MICU1: variants seen among roughly 807,000 people sequenced by gnomAD.
MICU1 encodes mitochondrial calcium uptake 1.
MICU1 carries 45 observed loss-of-function variants against 56.8 expected under a neutral mutation model. The observed-to-expected ratio is 0.79, with a 90% CI of 0.62 to 1.02. MICU1 has a LOEUF of 1.02. Ranked by LOEUF, MICU1 falls within the 50% of genes least tolerant of loss-of-function variation. The pLI, the probability that MICU1 is intolerant of heterozygous loss-of-function variation, is 0.00. For missense variants in MICU1, 504 were observed against 587.1 expected, an observed-to-expected ratio of 0.86 and a Z score of 1.46; for synonymous variants, 186 against 195.1, an observed-to-expected ratio of 0.95 and a Z score of 0.39.
Position 72,427,738 on chromosome 10 carries a change from ATATATATATATATAT to A in MICU1, c.934-4382_934-4368del, listed in dbSNP as rs1564861534. ...ATCATAGACCCCATCTCTAAAATAT[ATATATATATATATAT>A]ATATATATATATATATGAATGATAA... On this transcript the variant is annotated intron_variant, in intron 8 of 11. Coordinates refer to ENST00000361114, the MANE Select transcript of MICU1 (RefSeq NM_001195518.2). Among the ~76,000 whole-genome samples the A allele has an allele frequency of 3.4e-3, 71 of 20,622 alleles. 2 individuals carry two copies. The highest frequency in any genetic ancestry group is 0.018 in the East Asian group (70 of 3,856). The allele number at this position is 20,622 out of a possible 152,430, so 13.5% of individuals were successfully genotyped here.
chr10:72,370,114 T>C (rs544528797), intron 11 of MICU1, among the ~76,000 whole-genome samples: 1 of 152,222 alleles, frequency 6.6e-6, no homozygotes, highest in Admixed American at 6.5e-5. Context: ...CCTGACCTCA[T>C]GATCCGCCCA....
chr10:72,622,899 T>C (rs1186331572), intron 1 of MICU1, among the ~76,000 whole-genome samples: 3 of 152,144 alleles, frequency 2.0e-5, no homozygotes, highest in Non-Finnish European at 2.9e-5. Context: ...CCAAAGCACA[T>C]AGAATATCCA....
chr10:72,525,702 C>T (rs1285647373), intron 5 of MICU1, among the ~76,000 whole-genome samples: 1 of 152,190 alleles, frequency 6.6e-6, no homozygotes, highest in Non-Finnish European at 1.5e-5. Context: ...GCAGAGAACT[C>T]CTTTCTTAAA....
chr10:72,507,401 CTAAG>C (rs770466551), intron 6 of MICU1, among the ~76,000 whole-genome samples: 11 of 152,192 alleles, frequency 7.2e-5, no homozygotes, highest in Non-Finnish European at 1.3e-4. Context: ...CCTCAATGCT[CTAAG>C]TGAGTCAAAA....
At chr10:72,480,915 C>T (rs995847168) in intron 6 of MICU1, among the ~76,000 whole-genome samples, 5 of 152,224 alleles carry the variant, frequency 3.3e-5, no homozygotes, top group Admixed American at 1.3e-4. Flanking sequence ...ACAAAGTATA[C>T]CCTGTAATGC....
intron 1 of MICU1, among the ~76,000 whole-genome samples, chr10:72,576,807 G>C (rs986314825): frequency 6.6e-6 from 1 of 152,110 alleles, no homozygotes; most frequent in African/African-American, 2.4e-5. Context: ...TCTTGTTAGG[G>C]GCTAATGTAC....
intron 9 of MICU1, among the ~76,000 whole-genome samples, chr10:72,412,830 G>A (rs1490609950): frequency 1.1e-4 from 15 of 136,488 alleles, no homozygotes; most frequent in African/African-American, 4.2e-4. Flanking sequence ...CAGCCTGGGC[G>A]ACAAGAGCAA....
chr10:72,600,726 T>C (rs922028031), intron 1 of MICU1, among the ~76,000 whole-genome samples: 1 of 151,632 alleles, frequency 6.6e-6, no homozygotes, highest in Non-Finnish European at 1.5e-5. Flanking sequence ...TTATGGCCAC[T>C]ATGCATGATA....
intron 5 of MICU1, among the ~76,000 whole-genome samples, chr10:72,530,010 A>G (rs1839430062): frequency 6.7e-6 from 1 of 148,334 alleles, no homozygotes; most frequent in Admixed American, 6.8e-5. Context: ...GTGCATTTAG[A>G]AAGAATCTAT....
chr10:72,602,569 C>T (rs1453517457), intron 1 of MICU1, among the ~76,000 whole-genome samples: 2 of 152,106 alleles, frequency 1.3e-5, no homozygotes, highest in Non-Finnish European at 2.9e-5. Context: ...AAAGCTTTAA[C>T]CTAAGAATGT....
Position 72,490,319 on chromosome 10 carries a change from C to T in MICU1, c.653-13063G>A, listed in dbSNP as rs77183588. Reference sequence around the variant, plus strand: ...AGGGAAAAACAAATCAGTTTTATTCCAAAACTTTCCCTTTAGACACAAGAT... The same window carrying T: ...AGGGAAAAACAAATCAGTTTTATTCTAAAACTTTCCCTTTAGACACAAGAT... On this transcript the variant is annotated intron_variant, in intron 6 of 11. Transcript: ENST00000361114. 8.5e-3 allele frequency among the ~76,000 whole-genome samples: 1,300 copies of T among 152,110 alleles called. 16 individuals are homozygous for T. The highest frequency in any genetic ancestry group is 0.03 in the African/African-American group (1,227 of 41,494).
At chr10:72,508,290 A>T in intron 5 of MICU1, 21 bp from the exon 6 acceptor site, 1 of 1,105,246 alleles carries the variant, frequency 9.0e-7, no homozygotes, top group Non-Finnish European at 1.3e-6. Context: ...TATGGGTCCC[A>T]CCAAAAGACA....
At chr10:72,555,407 G>GAAAA (rs1840135940) in intron 3 of MICU1, among the ~76,000 whole-genome samples, 1 of 152,070 alleles carries the variant, frequency 6.6e-6, no homozygotes, top group South Asian at 2.1e-4. Context: ...ACTTAAGGAA[G>GAAAA]AAAAATGTTA....
chr10:72,380,452 C>G (rs1862664477), intron 10 of MICU1, among the ~76,000 whole-genome samples: 1 of 152,166 alleles, frequency 6.6e-6, no homozygotes, highest in Admixed American at 6.6e-5. Flanking sequence ...CGAGTTGTGT[C>G]AGGTCCCCAA....
chr10:72,449,605 G>T (rs1222300611), intron 8 of MICU1, among the ~76,000 whole-genome samples: 1 of 151,736 alleles, frequency 6.6e-6, no homozygotes, highest in Non-Finnish European at 1.5e-5. Context: ...GCAGTAAAGC[G>T]TTTTTTTATT....
chr10:72,439,479 G>C (rs1037925696), intron 8 of MICU1, among the ~76,000 whole-genome samples: 3 of 152,154 alleles, frequency 2.0e-5, no homozygotes, highest in Non-Finnish European at 4.4e-5. Flanking sequence ...CATTCCCTTT[G>C]AAAACTGGCA....
chr10:72,396,658 T>C (rs1863273935), intron 10 of MICU1, among the ~76,000 whole-genome samples: 1 of 152,146 alleles, frequency 6.6e-6, no homozygotes, highest in South Asian at 2.1e-4. Flanking sequence ...CAATAGCTGA[T>C]TCGATCAAGT....
At chr10:72,511,720 T>G (rs1402388694) in intron 5 of MICU1, among the ~76,000 whole-genome samples, 1 of 152,238 alleles carries the variant, frequency 6.6e-6, no homozygotes, top group Non-Finnish European at 1.5e-5. Flanking sequence ...ATTTCTTCAT[T>G]TATTGAGGAA....
chr10:72,368,351 A>G lies in MICU1; in HGVS notation c.1275T>C (p.Asn425=), dbSNP rs1862215776. Residue 425 remains asparagine (N), a synonymous_variant, in exon 12 of 12, where the codon AAT becomes AAC. Coordinates refer to ENST00000361114, the MANE Select transcript of MICU1 (RefSeq NM_001195518.2). ...CAAATTCCTTATTGCTCAGTTCGCC[A>G]TTGCCTAGAGGAAGAGGCAAAAACA... ...VVFALFDCDG[N]GELSNKEFVS... is the part of the protein sequence containing the mutation. 2 of 1,613,008 alleles carry G rather than the reference A, an allele frequency of 1.2e-6. No individual in the cohort carries two copies. Among genetic ancestry groups the G allele is most frequent in the South Asian group, 1.1e-5 (1 of 91,076 alleles).
Sources: gnomAD v4.1 joint callset for allele counts (sites outside exome capture counted in the v4.1 genomes callset) on GRCh38, gnomAD v4.1.1 for gene constraint, MANE v1.5 for transcripts, NCBI Gene and HGNC (gene_info 2026-07-23, HGNC 2026-07-21) for gene names.